Variants in RGS19 observed in about 807,000 individuals in gnomAD.
RGS19 encodes regulator of G protein signaling 19.
Under a neutral mutation model 22.0 loss-of-function variants are expected in RGS19, and 9 were observed. The ratio of observed to expected loss-of-function variants is 0.41; its 90% CI spans 0.25 to 0.71. The LOEUF is 0.71. Ranked by LOEUF, RGS19 falls within the 30% of genes least tolerant of loss-of-function variation. The pLI is 0.32. For missense variants in RGS19, 256 were observed against 307.1 expected (o/e 0.83, Z 1.24); for synonymous variants, 130 against 127.3 (o/e 1.02, Z -0.14).
At position 64,079,183 on chromosome 20, in the gene RGS19, G is replaced by C. The variant is rs2059937195; in HGVS notation, c.-69+111C>G. Reference sequence around the variant, plus strand: ...ATGGTGGTGGTGGCCCACCCACCACGCTCCTCTCTCTGCTGTTAGGGTCCA... The same window carrying C: ...ATGGTGGTGGTGGCCCACCCACCACCCTCCTCTCTCTGCTGTTAGGGTCCA... On this transcript the variant is annotated intron_variant, in intron 1 of 5. Coordinates refer to ENST00000395042, the MANE Select transcript of RGS19 (RefSeq NM_005873.3). This position sits in a 1 kb window ranked among gnomAD's most constrained non-coding sequence, Gnocchi z 5.1. 6.6e-6 allele frequency: 1 copy of C among 152,076 alleles called. No individual in the cohort carries two copies. Among genetic ancestry groups the C allele is most frequent in the Non-Finnish European group, 1.5e-5 (1 of 68,024 alleles). 9.4% of individuals were successfully genotyped at this position (152,076 alleles called of 1,614,324 possible).
rs751219983 is a variant in RGS19 at position 64,074,008 on chromosome 20, T to C, written c.499A>G (p.Lys167Glu). 1 of 1,613,404 alleles carries C rather than the reference T, an allele frequency of 6.2e-7. No homozygotes were observed. Among genetic ancestry groups the C allele is most frequent in the African/African-American group, 1.3e-5 (1 of 74,884 alleles). ...LDSRVREGIN[K>E]KMQEPSAHTF... ...TGTGCGGACGGCTCCTGCATCTTCT[T>C]GTTGATGCCCTCCCGCACACGGGAG... Residue 167 changes from lysine (K) to glutamate (E), a missense_variant, in exon 6 of 6, where the codon AAG becomes GAG. Coordinates refer to ENST00000395042, the MANE Select transcript of RGS19 (RefSeq NM_005873.3).
rs766328514 is a variant in RGS19, at chr20:64,074,315, G to A, written c.291C>T (p.Ser97=). The change falls in exon 5 of 6, where the codon AGC becomes AGT. Residue 97 remains serine, a synonymous_variant. Transcript: ENST00000395042. The part of the protein sequence containing the change: ...WAQSFDKLMH[S]PAGRSVFRAF... ...CCCGGAACACGCTGCGTCCCGCTGG[G>A]CTGTGCATCAGCTTGTCAAAAGACT... 27 of 1,612,624 alleles carry A rather than the reference G, an allele frequency of 1.7e-5. No homozygotes were observed. In the South Asian group the frequency reaches 3.0e-4, roughly 18 times the overall value.
rs369006996 is a variant in RGS19, at chr20:64,074,112, C to A, written c.462+32G>T. 8 of 1,603,506 alleles carry A rather than the reference C, an allele frequency of 5.0e-6. No individual in the cohort carries two copies. In the African/African-American group the frequency reaches 9.4e-5, roughly 19 times the overall value. On this transcript the variant is annotated intron_variant, in intron 5 of 5. Coordinates refer to ENST00000395042, the MANE Select transcript of RGS19 (RefSeq NM_005873.3). ...TTCCCCACCTAGTGCCTGGAGCAGG[C>A]GGCCCCCGGCCTGTTCTGGTGTCTG...
Position 64,076,638 on chromosome 20 carries a change from C to A in RGS19, c.39G>T (p.Gly13=). ...TPHEAEKQIT[G]PEEADRPPSM... ...AAGGGGGCCGGTCCGCCTCCTCTGG[C>A]CCTGTGATCTGGGGAAAAGTGGGGC... The change falls in exon 3 of 6, where the codon GGG becomes GGT. Residue 13 remains glycine, a synonymous_variant. Transcript: ENST00000395042. The A allele has an allele frequency of 6.2e-7, 1 of 1,600,814 alleles. No homozygotes were observed. Among genetic ancestry groups the A allele is most frequent in the Non-Finnish European group, 8.5e-7 (1 of 1,173,698 alleles).
chr20:64,073,876 A>G lies in RGS19; in HGVS notation c.631T>C (p.Ser211Pro), dbSNP rs2059877527. The G allele has an allele frequency of 6.2e-7, 1 of 1,612,732 alleles. No homozygotes were observed. The highest frequency in any genetic ancestry group is 1.3e-5 in the African/African-American group (1 of 74,934). ...TYRALLLQGP[S>P]QSSSEA is the part of the protein sequence containing the mutation. ...GCCTAGGCCTCGGAGGAGGACTGTG[A>G]TGGCCCCTGCAGCAGCAGGGCACGG... is the stretch of plus-strand genomic sequence containing the variant. Residue 211 changes from serine (S) to proline (P), a missense_variant, in exon 6 of 6, where the codon TCA becomes CCA. Ser to Pro is a moderately conservative substitution (Grantham distance 74, BLOSUM62 -1). Coordinates refer to ENST00000395042, the MANE Select transcript of RGS19 (RefSeq NM_005873.3).
At position 64,076,928 on chromosome 20, in the gene RGS19, C is replaced by G; in HGVS notation, c.-42G>C. The G allele has an allele frequency of 6.7e-7, 1 of 1,486,224 alleles. No homozygotes were observed. The highest frequency in any genetic ancestry group is 8.9e-7 in the Non-Finnish European group (1 of 1,121,018). 92.1% of individuals were successfully genotyped at this position (1,486,224 alleles called of 1,614,324 possible). On this transcript the variant is annotated 5_prime_UTR_variant, in exon 2 of 6. Coordinates refer to ENST00000395042, the MANE Select transcript of RGS19 (RefSeq NM_005873.3). ...TTGCCCAGGCTCCGTGGTACCAGCT[C>G]TCAGACCCTCACCACAGCCTGGGGG... is the stretch of plus-strand genomic sequence containing the variant.
intron 4 of RGS19, 42 bp from the exon 5 acceptor site, chr20:64,074,420 C>G (rs371665956): frequency 6.3e-6 from 10 of 1,575,736 alleles, no homozygotes; most frequent in Non-Finnish European, 8.6e-6. Context: ...CCGAGTCTCC[C>G]GGTCTGGGGC....
intron 1 of RGS19, among the ~76,000 whole-genome samples, chr20:64,078,130 A>G (rs930084631): frequency 5.9e-5 from 2 of 34,180 alleles, no homozygotes. Flanking sequence ...ACGGTGTGTG[A>G]ATGGCCCTCA....
At chr20:64,078,120 A>T (rs556056623) in intron 1 of RGS19, among the ~76,000 whole-genome samples, 1 of 152,280 alleles carries the variant, frequency 6.6e-6, no homozygotes, top group East Asian at 1.9e-4. Context: ...GCCTCCTGGG[A>T]CGGTGTGTGA....
intron 1 of RGS19, among the ~76,000 whole-genome samples, chr20:64,077,711 G>T (rs548471120): frequency 2.0e-5 from 3 of 152,350 alleles, no homozygotes; most frequent in South Asian, 2.1e-4. Context: ...CTGCTCCCCA[G>T]TCGAAGCCTC....
Position 64,073,866 on chromosome 20 carries a change from G to A in RGS19, c.641C>T (p.Ser214Phe). Residue 214 changes from serine to phenylalanine, a missense_variant, in exon 6 of 6, where the codon TCC becomes TTC. Ser to Phe is a radical substitution (Grantham distance 155). Coordinates refer to ENST00000395042, the MANE Select transcript of RGS19 (RefSeq NM_005873.3). Reference sequence around the variant, plus strand: ...GCTGGGGGCGGCCTAGGCCTCGGAGGAGGACTGTGATGGCCCCTGCAGCAG... The same window carrying A: ...GCTGGGGGCGGCCTAGGCCTCGGAGAAGGACTGTGATGGCCCCTGCAGCAG... The part of the protein sequence containing the change: ...ALLLQGPSQS[S>F]SEA 6.2e-7 allele frequency: 1 copy of A among 1,611,304 alleles called. No homozygotes were observed. Among genetic ancestry groups the A allele is most frequent in the Non-Finnish European group, 8.5e-7 (1 of 1,178,546 alleles).
chr20:64,076,434 C>T (rs2059905744), intron 3 of RGS19, 91 bp downstream of exon 3: 1 of 1,568,326 alleles, frequency 6.4e-7, no homozygotes, highest in Non-Finnish European at 8.6e-7. Flanking sequence ...TGCGGGGATG[C>T]CTCGGAAGCC....
In RGS19 at chr20:64,075,867, GTCTTTCTT is replaced by G. The variant is rs200337090; in HGVS notation, c.152+650_152+657del. Among the ~76,000 whole-genome samples, 4 of 149,902 alleles carry G rather than the reference GTCTTTCTT, an allele frequency of 2.7e-5. No individual in the cohort carries two copies. Among genetic ancestry groups the G allele is most frequent in the Non-Finnish European group, 4.4e-5 (3 of 67,440 alleles). ...CACACACTGTATGGGGTCTGTGCCT[GTCTTTCTT>G]TCTTTCTTTCTTTTTTTTTTTTTGA... is the stretch of plus-strand genomic sequence containing the variant. On this transcript the variant is annotated intron_variant, in intron 3 of 5. Transcript: ENST00000395042. The surrounding 1 kb of genome is among the most constrained non-coding windows in gnomAD (Gnocchi z 4.6).
rs1344002839 is a variant in RGS19 at position 64,074,483 on chromosome 20, G to C, written c.211C>G (p.Pro71Ala). 3 of 1,584,986 alleles carry C rather than the reference G, an allele frequency of 1.9e-6. No individual in the cohort carries two copies. The South Asian group carries it at 3.4e-5, about 18-fold the overall frequency. ...ASRESKLQPL[P>A]SCEVCATPSP... ...TGGACTCACCATACTTCACAGCTGG[G>C]GAGGGGCTGCAGCTTGCTCTCCCGG... Residue 71 changes from proline (P) to alanine (A), a missense_variant, in exon 4 of 6, where the codon CCC becomes GCC. Coordinates refer to ENST00000395042, the MANE Select transcript of RGS19 (RefSeq NM_005873.3).
Position 64,076,632 on chromosome 20 carries a change from C to T in RGS19, c.45G>A (p.Glu15=), listed in dbSNP as rs953252247. 1.9e-6 allele frequency: 3 copies of T among 1,604,072 alleles called. No homozygotes were observed. The African/African-American group carries it at 4.0e-5, about 21-fold the overall frequency. Residue 15 remains glutamate, a synonymous_variant, in exon 3 of 6, where the codon GAG becomes GAA. Transcript: ENST00000395042. ...HEAEKQITGP[E]EADRPPSMSS... Reference sequence around the variant, plus strand: ...ACATTGAAGGGGGCCGGTCCGCCTCCTCTGGCCCTGTGATCTGGGGAAAAG... The same window carrying T: ...ACATTGAAGGGGGCCGGTCCGCCTCTTCTGGCCCTGTGATCTGGGGAAAAG...
intron 1 of RGS19, among the ~76,000 whole-genome samples, chr20:64,077,899 G>A (rs1054695622): frequency 6.6e-6 from 1 of 152,170 alleles, no homozygotes; most frequent in Admixed American, 6.5e-5. Flanking sequence ...TCAGTGCCCC[G>A]GAGGCAGTTG....
At chr20:64,076,475 C>T in intron 3 of RGS19, 50 bp downstream of exon 3, 1 of 1,605,920 alleles carries the variant, frequency 6.2e-7, no homozygotes, top group South Asian at 1.1e-5. Context: ...GTCTGCTTGG[C>T]CCCATGCCCT....
chr20:64,074,388 C>G lies in RGS19; in HGVS notation c.228-10G>C. 6.3e-7 allele frequency: 1 copy of G among 1,599,960 alleles called. No homozygotes were observed. The highest frequency in any genetic ancestry group is 8.5e-7 in the Non-Finnish European group (1 of 1,172,736). On this transcript the variant is annotated splice_polypyrimidine_tract_variant and intron_variant, in intron 4 of 5. Coordinates refer to ENST00000395042, the MANE Select transcript of RGS19 (RefSeq NM_005873.3). ...AGGACTTGGCGTGGCACTGTGGGCA[C>G]GGGGGCCAGGCTATGTCAGGCCCGA...
At chr20:64,076,274 T>C (rs2059904658) in intron 3 of RGS19, among the ~76,000 whole-genome samples, 1 of 152,216 alleles carries the variant, frequency 6.6e-6, no homozygotes, top group Admixed American at 6.5e-5. Flanking sequence ...AACGGGCACA[T>C]GCATGTACAC....
Sources: allele counts gnomAD v4.1 joint callset (sites outside exome capture counted in the v4.1 genomes callset), GRCh38; gene constraint gnomAD v4.1.1; non-coding constraint Gnocchi (gnomAD v3.1); transcripts MANE v1.5; gene names NCBI Gene and HGNC (gene_info 2026-07-23, HGNC 2026-07-21).